TRAPPC10: variants seen among roughly 807,000 people sequenced by gnomAD.
TRAPPC10 encodes TRAPP 130 kDa subunit.
A neutral mutation model predicts 125.5 loss-of-function variants in TRAPPC10; 23 were observed. The ratio of observed to expected loss-of-function variants is 0.18; its 90% confidence interval spans 0.13 to 0.26. The LOEUF (loss-of-function observed/expected upper bound fraction) is 0.26. Among genes scored for constraint, TRAPPC10 ranks in the 10% least tolerant of loss-of-function variants. The pLI is 1.00. For synonymous variants in TRAPPC10, 509 were observed against 518.0 expected, an observed-to-expected ratio of 0.98 and a Z score of 0.24; for missense variants, 1,123 against 1,308.4, an observed-to-expected ratio of 0.86 and a Z score of 2.19.
At chr21:44,091,317 C>G (rs945053079) in intron 18 of TRAPPC10, among the ~76,000 whole-genome samples, 1 of 152,250 alleles carries the variant, frequency 6.6e-6, no homozygotes, top group Admixed American at 6.5e-5. Flanking sequence ...GCTGTCTCCC[C>G]GTGGCTCCCC....
Position 44,083,039 on chromosome 21 carries a change from C to T in TRAPPC10, c.1975C>T (p.Pro659Ser). ...GTCCAATGGGATCATTAACTTTCCACCCGAGACCGCACCTTTCCCTGTATC... is the reference window on the plus strand; with the variant it reads ...GTCCAATGGGATCATTAACTTTCCATCCGAGACCGCACCTTTCCCTGTATC... Reference protein sequence around the residue: ...KTSNGIINFPPETAPFPVSQN... With the variant: ...KTSNGIINFPSETAPFPVSQN... Residue 659 changes from proline to serine, a missense_variant, in exon 14 of 23, where the codon CCC (proline) becomes TCC (serine). This residue lies in a region of TRAPPC10 where 840 missense variants were observed against 902.0 expected (regional missense o/e 0.93). Coordinates refer to ENST00000291574, the MANE Select transcript of TRAPPC10 (RefSeq NM_003274.5). 1 of 1,614,154 alleles carries T rather than the reference C, an allele frequency of 6.2e-7. No homozygotes were observed. The highest frequency in any genetic ancestry group is 1.6e-4 in the Middle Eastern group (1 of 6,062).
In TRAPPC10 at chr21:44,056,096, C is replaced by T. The variant is rs146166083; in HGVS notation, c.678+203C>T. 6.7e-4 allele frequency among the ~76,000 whole-genome samples: 102 copies of T among 152,292 alleles called. 1 individual carries two copies. Among genetic ancestry groups the T allele is most frequent in the African/African-American group, 2.4e-3 (101 of 41,556 alleles). ...ATGGGGCATGAAAAGGACACACACA[C>T]TGCCCCGGGGAGCCTCTGGGGGCAA... On this transcript the variant is annotated intron_variant, in intron 5 of 22. Coordinates refer to ENST00000291574, the MANE Select transcript of TRAPPC10 (RefSeq NM_003274.5).
At chr21:44,070,501 A>T (rs1180863349) in intron 7 of TRAPPC10, among the ~76,000 whole-genome samples, 7 of 152,214 alleles carry the variant, frequency 4.6e-5, no homozygotes, top group Non-Finnish European at 1.0e-4. Flanking sequence ...CTCTCAGGGC[A>T]GAGCGGAGGC....
chr21:44,091,026 A>G (rs1034370464), intron 18 of TRAPPC10, among the ~76,000 whole-genome samples: 2 of 152,052 alleles, frequency 1.3e-5, no homozygotes, highest in African/African-American at 4.8e-5. Flanking sequence ...CCCCGTCTCT[A>G]CTAAAAATAC....
chr21:44,061,116 ATTTT>A (rs2036019756), intron 6 of TRAPPC10, among the ~76,000 whole-genome samples: 1 of 151,246 alleles, frequency 6.6e-6, no homozygotes, highest in South Asian at 2.1e-4. Context: ...TTATTTATTT[ATTTT>A]AATTTTAATT....
chr21:44,068,176 G>A (rs891732382), intron 7 of TRAPPC10, among the ~76,000 whole-genome samples: 1 of 150,746 alleles, frequency 6.6e-6, no homozygotes, highest in African/African-American at 2.4e-5. Context: ...CTTCTGTTTT[G>A]TGCCAACCAT....
chr21:44,038,722 A>G (rs28385580), intron 3 of TRAPPC10, among the ~76,000 whole-genome samples: 22,181 of 152,146 alleles, frequency 0.15, 1,835 homozygotes, highest in South Asian at 0.25. Context: ...ATTATTACAC[A>G]CTGTGACATT....
In TRAPPC10 at chr21:44,079,590, A is replaced by G. The variant is rs767104177; in HGVS notation, c.1496A>G (p.Glu499Gly). 1.2e-6 allele frequency: 2 copies of G among 1,601,418 alleles called. No homozygotes were observed. Among genetic ancestry groups the G allele is most frequent in the South Asian group, 2.3e-5 (2 of 88,322 alleles). The change falls in exon 12 of 23, where the codon GAA becomes GGA. Residue 499 changes from glutamate (E) to glycine (G), a missense_variant. This residue lies in a region of TRAPPC10 where 840 missense variants were observed against 902.0 expected (regional missense o/e 0.93). Coordinates refer to ENST00000291574, the MANE Select transcript of TRAPPC10 (RefSeq NM_003274.5). ...YMRKKAPQKA[E>G]IYLQGALKNY... is the part of the protein sequence containing the mutation. ...AGGAAAAAGGCTCCACAAAAGGCAG[A>G]AATCTATCTTCAAGGAGCACTGAAA...
At chr21:44,039,119 G>T (rs1296162194) in intron 3 of TRAPPC10, among the ~76,000 whole-genome samples, 1 of 152,198 alleles carries the variant, frequency 6.6e-6, no homozygotes. Context: ...TTGTCCCCTT[G>T]CGATCAGTAA....
In TRAPPC10 at chr21:44,012,547, G is replaced by A. The variant is rs1332572523; in HGVS notation, c.54G>A (p.Lys18=). 3.3e-6 allele frequency: 5 copies of A among 1,536,426 alleles called. No individual in the cohort carries two copies. Among genetic ancestry groups the A allele is most frequent in the East Asian group, 2.5e-5 (1 of 40,274 alleles). ...LPPVIYTMEN[K]PIVTCAGDQN... ...CGGTGATCTACACCATGGAGAACAA[G>A]CCCATCGTCACCTGTGAGTGCCCGG... Residue 18 remains lysine, a synonymous_variant, in exon 1 of 23, where the codon AAG becomes AAA. Transcript: ENST00000291574.
In TRAPPC10 at chr21:44,063,627, G is replaced by A; in HGVS notation, c.880G>A (p.Glu294Lys). 1 of 1,614,200 alleles carries A rather than the reference G, an allele frequency of 6.2e-7. No homozygotes were observed. The highest frequency in any genetic ancestry group is 8.5e-7 in the Non-Finnish European group (1 of 1,180,040). The change falls in exon 7 of 23, where the codon GAA becomes AAA. Residue 294 changes from glutamate to lysine, a missense_variant. Transcript: ENST00000291574. This position sits in a 1 kb window ranked among gnomAD's most constrained non-coding sequence, Gnocchi z 4.4. ...AAAACCCATAGATATGGAGAAGCGG[G>A]AATCGATCCAGAGGCGAGAAGCCAC... ...LRKPIDMEKR[E>K]SIQRREATLL...
chr21:44,052,780 G>A (rs201728052), intron 4 of TRAPPC10, among the ~76,000 whole-genome samples: 7 of 152,100 alleles, frequency 4.6e-5, no homozygotes, highest in South Asian at 4.1e-4. Context: ...TCTGTAGAAC[G>A]GGTCCTTAAA....
rs954810521 is a variant in TRAPPC10, at chr21:44,047,565, T to TGTGTGTGTGTGTGTGCGC, written c.286-4714_286-4713insTGTGTGTGTGTGTGCGCG. The stretch of plus-strand genomic sequence containing the variant: ...GTGTGTGTGTGTGTGTGTGTGTGTG[T>TGTGTGTGTGTGTGTGCGC]GCGCGCACACGCTACATGAAGTTCC... On this transcript the variant is annotated intron_variant, in intron 3 of 22. Transcript: ENST00000291574. Among the ~76,000 whole-genome samples the TGTGTGTGTGTGTGTGCGC allele has an allele frequency of 2.9e-3, 420 of 147,170 alleles. 2 individuals carry two copies. Among genetic ancestry groups the TGTGTGTGTGTGTGTGCGC allele is most frequent in the African/African-American group, 0.01 (402 of 38,682 alleles).
chr21:44,025,131 A>G (rs1252219093), intron 1 of TRAPPC10, among the ~76,000 whole-genome samples: 1 of 152,046 alleles, frequency 6.6e-6, no homozygotes, highest in Admixed American at 6.6e-5. Context: ...GGCCTTTCCG[A>G]CGGGCCTGTT....
intron 6 of TRAPPC10, chr21:44,062,552 C>T (rs2036137900): frequency 1.0e-6 from 1 of 985,304 alleles, no homozygotes; most frequent in South Asian, 4.7e-5. Flanking sequence ...GGAGGGGAGC[C>T]TAGCCAAGGG....
intron 1 of TRAPPC10, among the ~76,000 whole-genome samples, chr21:44,022,394 C>T (rs966086944): frequency 4.0e-5 from 6 of 150,958 alleles, no homozygotes; most frequent in African/African-American, 1.2e-4. Flanking sequence ...AGCGATTCTC[C>T]TGCCTCAGCC....
rs1210733371 is a variant in TRAPPC10, at chr21:44,016,658, A to T, written c.67+4098A>T. On this transcript the variant is annotated intron_variant, in intron 1 of 22. Coordinates refer to ENST00000291574, the MANE Select transcript of TRAPPC10 (RefSeq NM_003274.5). ...TCCCCTGTAGGTTAAAATTTTTTTA[A>T]TTTTAATTTTTATTTTTTGAGACGG... Among the ~76,000 whole-genome samples the T allele has an allele frequency of 2.0e-5, 3 of 152,048 alleles. No homozygotes were observed. The East Asian group carries it at 5.8e-4, about 29-fold the overall frequency.
At chr21:44,032,941 C>T (rs184316416) in intron 2 of TRAPPC10, among the ~76,000 whole-genome samples, 1 of 152,246 alleles carries the variant, frequency 6.6e-6, no homozygotes, top group East Asian at 1.9e-4. Flanking sequence ...AGAAGGTAAA[C>T]AGAAAGATGG....
intron 1 of TRAPPC10, among the ~76,000 whole-genome samples, chr21:44,029,794 A>G (rs1205145624): frequency 6.6e-6 from 1 of 152,218 alleles, no homozygotes; most frequent in Non-Finnish European, 1.5e-5. Context: ...ATTAGGGCCC[A>G]TCCTGAAGAC....
Sources: gnomAD v4.1 joint callset for allele counts (sites outside exome capture counted in the v4.1 genomes callset) on GRCh38, gnomAD v4.1.1 for gene constraint, gnomAD v4.1.1 regional missense constraint, Gnocchi (gnomAD v3.1) non-coding constraint, MANE v1.5 for transcripts, NCBI Gene and HGNC (gene_info 2026-07-23, HGNC 2026-07-21) for gene names.